ANK3: variants seen among roughly 807,000 people sequenced by gnomAD.
The protein encoded by ANK3 is ankyrin-3.
A neutral mutation model predicts 370.9 loss-of-function variants in ANK3; 57 were observed. The ratio of observed to expected loss-of-function variants is 0.15; its 90% CI spans 0.12 to 0.19. The LOEUF is 0.19. Ranked by LOEUF, ANK3 falls within the 10% of genes least tolerant of loss-of-function variation. ANK3 has a pLI of 1.00. For missense variants in ANK3, 4,439 were observed against 5,302.1 expected, an observed-to-expected ratio of 0.84 and a Z score of 5.06; for synonymous variants, 1,929 against 1,946.3, an observed-to-expected ratio of 0.99 and a Z score of 0.23.
intron 43 of ANK3, among the ~76,000 whole-genome samples, chr10:60,034,191 C>T (rs1439441662): frequency 6.8e-6 from 1 of 147,670 alleles, no homozygotes; most frequent in Non-Finnish European, 1.5e-5. Context: ...ACTGCAACCT[C>T]CACCTCCCGG....
intron 8 of ANK3, among the ~76,000 whole-genome samples, chr10:60,232,379 T>A (rs1040489985): frequency 6.6e-6 from 1 of 152,140 alleles, no homozygotes; most frequent in African/African-American, 2.4e-5. Flanking sequence ...TTTTTCTCCA[T>A]GTGATAATCA....
At chr10:60,674,345 G>C (rs1589008420) in intron 1 of ANK3, among the ~76,000 whole-genome samples, 3 of 152,242 alleles carry the variant, frequency 2.0e-5, no homozygotes, top group Middle Eastern at 6.8e-3. Flanking sequence ...CATGGTGCCA[G>C]CATCTGCTTC....
At chr10:60,035,489 G>A (rs774918999) in intron 43 of ANK3, among the ~76,000 whole-genome samples, 15 of 151,748 alleles carry the variant, frequency 9.9e-5, no homozygotes, top group Non-Finnish European at 2.1e-4. Flanking sequence ...CTGACCTCAG[G>A]TGATCCACCT....
intron 1 of ANK3, among the ~76,000 whole-genome samples, chr10:60,299,701 A>T (rs545472201): frequency 6.6e-4 from 101 of 152,336 alleles, no homozygotes; most frequent in Admixed American, 2.4e-3. Flanking sequence ...TCTACACAGT[A>T]TCCCTTAAGG....
chr10:60,481,960 C>T (rs1032434355), intron 2 of ANK3, among the ~76,000 whole-genome samples: 1 of 152,138 alleles, frequency 6.6e-6, no homozygotes, highest in African/African-American at 2.4e-5. Flanking sequence ...ACAGGCATGT[C>T]CAGAAGCGTC....
intron 1 of ANK3, among the ~76,000 whole-genome samples, chr10:60,282,213 C>G (rs1201797915): frequency 6.6e-6 from 1 of 152,102 alleles, no homozygotes; most frequent in African/African-American, 2.4e-5. Flanking sequence ...AGTTAAGCAT[C>G]CCAAACTCCA....
chr10:60,471,779 C>T (rs2065225830), intron 2 of ANK3, among the ~76,000 whole-genome samples: 1 of 151,906 alleles, frequency 6.6e-6, no homozygotes, highest in Admixed American at 6.6e-5. Context: ...CAACAAAATT[C>T]TATACTAAAA....
chr10:60,357,093 G>A (rs2057877972), intron 1 of ANK3, among the ~76,000 whole-genome samples: 1 of 152,038 alleles, frequency 6.6e-6, no homozygotes, highest in African/African-American at 2.4e-5. Context: ...ACATTCCATG[G>A]CCCATCGTTT....
intron 25 of ANK3, among the ~76,000 whole-genome samples, chr10:60,125,985 T>C (rs753915166): frequency 8.5e-5 from 13 of 152,094 alleles, no homozygotes; most frequent in Non-Finnish European, 1.6e-4. Context: ...GGCTGTGAAA[T>C]AAATGAGAAG....
chr10:60,240,046 T>C (rs539813922), intron 7 of ANK3, among the ~76,000 whole-genome samples: 3,269 of 119,296 alleles, frequency 0.027, 125 homozygotes, highest in African/African-American at 0.086. Flanking sequence ...CACATATATA[T>C]ACATATATAC....
intron 1 of ANK3, among the ~76,000 whole-genome samples, chr10:60,703,977 T>C (rs1474141799): frequency 6.6e-6 from 1 of 152,212 alleles, no homozygotes; most frequent in Admixed American, 6.5e-5. Context: ...GTGTGACTTC[T>C]TGGGCCAGGT....
chr10:60,162,773 G>A (rs920300455), intron 23 of ANK3, among the ~76,000 whole-genome samples: 1 of 152,060 alleles, frequency 6.6e-6, no homozygotes, highest in Non-Finnish European at 1.5e-5. Context: ...TGCCTCACCA[G>A]CTGCTGTCTC....
chr10:60,580,734 C>T (rs1017896444), intron 2 of ANK3, among the ~76,000 whole-genome samples: 2 of 152,074 alleles, frequency 1.3e-5, no homozygotes, highest in Non-Finnish European at 2.9e-5. Context: ...GACTTACAAA[C>T]TAAAGATATG....
At chr10:60,409,651 G>A (rs1007229675) in intron 2 of ANK3, among the ~76,000 whole-genome samples, 1 of 152,144 alleles carries the variant, frequency 6.6e-6, no homozygotes, top group South Asian at 2.1e-4. Flanking sequence ...TCCACTTTGG[G>A]ACTTCTCCTC....
chr10:60,436,863 T>C (rs1022885579), intron 2 of ANK3, among the ~76,000 whole-genome samples: 14 of 152,248 alleles, frequency 9.2e-5, no homozygotes, highest in African/African-American at 3.4e-4. Flanking sequence ...CAACACAATC[T>C]ATTTTAATCC....
At chr10:60,361,842 C>CT (rs368385722) in intron 1 of ANK3, among the ~76,000 whole-genome samples, 5 of 151,280 alleles carry the variant, frequency 3.3e-5, no homozygotes, top group South Asian at 2.1e-4. Flanking sequence ...GTTCTTCAGA[C>CT]TTTTTTTTTC....
At chr10:60,553,776 T>G (rs2077145588) in intron 2 of ANK3, among the ~76,000 whole-genome samples, 1 of 152,174 alleles carries the variant, frequency 6.6e-6, no homozygotes, top group South Asian at 2.1e-4. Context: ...TAGGTATATA[T>G]TAGATAAACA....
chr10:60,364,056 G>A (rs1426075005), intron 1 of ANK3, among the ~76,000 whole-genome samples: 12 of 150,996 alleles, frequency 7.9e-5, no homozygotes, highest in African/African-American at 2.9e-4. Flanking sequence ...CACTTTCGGA[G>A]GCTGAGGCGG....
At chr10:60,434,997 G>T (rs1052094461) in intron 2 of ANK3, among the ~76,000 whole-genome samples, 9 of 152,128 alleles carry the variant, frequency 5.9e-5, no homozygotes, top group Non-Finnish European at 1.3e-4. Flanking sequence ...ATTGGGCAAC[G>T]AACTATAAGC....
Sources: gnomAD v4.1 joint callset for allele counts (sites outside exome capture counted in the v4.1 genomes callset) on GRCh38, gnomAD v4.1.1 for gene constraint, MANE v1.5 for transcripts, NCBI Gene and HGNC (gene_info 2026-07-23, HGNC 2026-07-21) for gene names.